Variants in COA1 observed in about 807,000 individuals in gnomAD.
COA1 encodes the protein cytochrome c oxidase assembly factor 1 homolog.
In COA1, 13 loss-of-function variants were observed where a neutral mutation model predicts 16.0. The observed-to-expected ratio is 0.81, with a 90% confidence interval of 0.53 to 1.29. The LOEUF is 1.29. Among genes scored for constraint, COA1 ranks in the 50% most tolerant of loss-of-function variants. The pLI, the probability that COA1 is intolerant of heterozygous loss-of-function variation, is 0.00. For synonymous variants in COA1, 65 were observed against 65.7 expected, an observed-to-expected ratio of 0.99 and a Z score of 0.05; for missense variants, 179 against 177.0, an observed-to-expected ratio of 1.01 and a Z score of -0.06.
intron 1 of COA1, among the ~76,000 whole-genome samples, chr7:43,660,699 T>A (rs1283358000): frequency 2.6e-5 from 4 of 152,080 alleles, no homozygotes; most frequent in Non-Finnish European, 5.9e-5. Context: ...ATACAATCTG[T>A]TTCCTAAATA....
chr7:43,627,809 T>C (rs1396089902), intron 6 of COA1, among the ~76,000 whole-genome samples: 1 of 152,194 alleles, frequency 6.6e-6, no homozygotes, highest in East Asian at 1.9e-4. Flanking sequence ...GCTTGACAAA[T>C]GTACTCACTC....
chr7:43,624,094 G>GA (rs2084225301), intron 6 of COA1, among the ~76,000 whole-genome samples: 1 of 152,106 alleles, frequency 6.6e-6, no homozygotes, highest in Non-Finnish European at 1.5e-5. Context: ...GGGCAAAAAT[G>GA]AAAATATTTT....
At chr7:43,710,702 A>C (rs950221102) in intron 1 of COA1, among the ~76,000 whole-genome samples, 3 of 152,188 alleles carry the variant, frequency 2.0e-5, no homozygotes, top group Non-Finnish European at 4.4e-5. Flanking sequence ...CAAATTACAA[A>C]CAAACAATAG....
chr7:43,724,355 C>T (rs1238026973), intron 1 of COA1, among the ~76,000 whole-genome samples: 1 of 152,054 alleles, frequency 6.6e-6, no homozygotes, highest in Non-Finnish European at 1.5e-5. Context: ...GAGTTCAAGA[C>T]CAGCCTGGCC....
chr7:43,707,988 C>A (rs932545399), intron 1 of COA1, among the ~76,000 whole-genome samples: 3 of 152,160 alleles, frequency 2.0e-5, no homozygotes, highest in Non-Finnish European at 2.9e-5. Context: ...GTGGCTCATG[C>A]CTATAATCCT....
rs11974173 is a variant in COA1 at position 43,648,486 on chromosome 7, C to G, written c.15+114G>C. The stretch of plus-strand genomic sequence containing the variant: ...TGTGAAGTTAAAGCACAAGTGAACC[C>G]TAAAGACCAGGAGAAGCCCATAACT... On this transcript the variant is annotated intron_variant, in intron 2 of 5. Transcript: ENST00000223336. The G allele has an allele frequency of 3.1e-3, 3,504 of 1,122,156 alleles. 82 individuals are homozygous for G. In the African/African-American group the frequency reaches 0.048, roughly 15 times the overall value. 69.5% of individuals were successfully genotyped at this position (1,122,156 alleles called of 1,614,324 possible).
chr7:43,691,265 A>AAAAGAAAAGAAAAGAAAG (rs1554541882), intron 1 of COA1, among the ~76,000 whole-genome samples: 1 of 45,904 alleles, frequency 2.2e-5, no homozygotes, highest in African/African-American at 9.1e-5. Flanking sequence ...AGAAAGAAAG[A>AAAAGAAAAGAAAAGAAAG]AAAGAAAGAA....
intron 6 of COA1, among the ~76,000 whole-genome samples, chr7:43,610,756 A>G (rs1398002684): frequency 2.6e-5 from 4 of 152,106 alleles, no homozygotes; most frequent in Non-Finnish European, 2.9e-5. Flanking sequence ...ATAAATTCAT[A>G]TATGTATATA....
At chr7:43,707,898 C>T (rs185395427) in intron 1 of COA1, among the ~76,000 whole-genome samples, 2 of 152,188 alleles carry the variant, frequency 1.3e-5, no homozygotes, top group Non-Finnish European at 2.9e-5. Context: ...AGTCACAGAG[C>T]ATGCATACAT....
intron 6 of COA1, among the ~76,000 whole-genome samples, chr7:43,621,593 G>A (rs114224365): frequency 0.014 from 2,108 of 152,152 alleles, 37 homozygotes; most frequent in African/African-American, 0.048. Context: ...TCAGCCTCCC[G>A]AGTAGCTGGG....
At chr7:43,637,977 C>T (rs922205218), downstream of COA1, among the ~76,000 whole-genome samples, 1 of 152,120 alleles carries the variant, frequency 6.6e-6, no homozygotes, top group Non-Finnish European at 1.5e-5. Context: ...AACATATAGA[C>T]AATAGGACAG....
chr7:43,677,539 C>G (rs2093587385), intron 1 of COA1, among the ~76,000 whole-genome samples: 1 of 152,292 alleles, frequency 6.6e-6, no homozygotes, highest in South Asian at 2.1e-4. Flanking sequence ...TGGCTCACGC[C>G]TGTAATCCCA....
chr7:43,684,353 CT>C (rs2093916701), intron 1 of COA1, among the ~76,000 whole-genome samples: 1 of 152,146 alleles, frequency 6.6e-6, no homozygotes, highest in South Asian at 2.1e-4. Flanking sequence ...TTGGGGACCC[CT>C]GAACTAGGGT....
intron 1 of COA1, among the ~76,000 whole-genome samples, chr7:43,700,237 A>T (rs1368335757): frequency 6.6e-6 from 1 of 151,860 alleles, no homozygotes. Flanking sequence ...GATCAGTAAT[A>T]ATATTTCAAC....
intron 4 of COA1, among the ~76,000 whole-genome samples, chr7:43,642,953 A>G (rs1051268735): frequency 3.9e-5 from 6 of 152,244 alleles, no homozygotes; most frequent in Non-Finnish European, 8.8e-5. Context: ...TTATAAAGAA[A>G]GGACCCTGAC....
At chr7:43,727,142 C>T (rs986417894) in intron 1 of COA1, among the ~76,000 whole-genome samples, 3 of 151,904 alleles carry the variant, frequency 2.0e-5, no homozygotes, top group African/African-American at 4.8e-5. Context: ...TACATGTCAA[C>T]GAAAAAGAAT....
chr7:43,691,417 AAGAAAAAGAAAG>A (rs1409962408), intron 1 of COA1, among the ~76,000 whole-genome samples: 28 of 103,082 alleles, frequency 2.7e-4, no homozygotes, highest in East Asian at 6.3e-4. Flanking sequence ...GGAAGGAAGA[AAGAAAAAGAAAG>A]AAAGAAAGAA....
chr7:43,665,354 A>C (rs2092811026), intron 1 of COA1, among the ~76,000 whole-genome samples: 1 of 152,216 alleles, frequency 6.6e-6, no homozygotes, highest in Non-Finnish European at 1.5e-5. Context: ...CTATTAATCC[A>C]AGGATCTGCA....
At chr7:43,696,783 T>G (rs1407975160) in intron 1 of COA1, among the ~76,000 whole-genome samples, 1 of 152,122 alleles carries the variant, frequency 6.6e-6, no homozygotes, top group Non-Finnish European at 1.5e-5. Flanking sequence ...CAGGGAAGAT[T>G]ACACAGGGTG....
Sources: allele counts gnomAD v4.1 joint callset (sites outside exome capture counted in the v4.1 genomes callset), GRCh38; gene constraint gnomAD v4.1.1; transcripts MANE v1.5; gene names NCBI Gene and HGNC (gene_info 2026-07-23, HGNC 2026-07-21).